The following RBM47 variants were observed in gnomAD, a reference collection of about 807,000 sequenced individuals.
RBM47 encodes the protein RNA binding motif protein 47.
A neutral mutation model predicts 47.1 loss-of-function variants in RBM47; 21 were observed. The observed-to-expected ratio is 0.45, with a 90% CI of 0.32 to 0.64. RBM47 has a LOEUF of 0.64. RBM47 is among the 30% of genes least tolerant of loss of function. The probability of loss-of-function intolerance (pLI) is 0.05; values close to 1 mark genes in which losing one functional copy is unlikely to be tolerated. For synonymous variants in RBM47, 375 were observed against 361.7 expected (o/e 1.04, Z -0.42); for missense variants, 708 against 870.9 (o/e 0.81, Z 2.35).
At chr4:40,563,870 A>G (rs1428516970) in intron 1 of RBM47, among the ~76,000 whole-genome samples, 1 of 152,220 alleles carries the variant, frequency 6.6e-6, no homozygotes, top group African/African-American at 2.4e-5. Flanking sequence ...TGAAAAATAT[A>G]TTTTATGATA....
intron 2 of RBM47, among the ~76,000 whole-genome samples, chr4:40,506,318 C>T (rs2154251779): frequency 6.6e-6 from 1 of 152,272 alleles, no homozygotes; most frequent in South Asian, 2.1e-4. Context: ...GTCTTGAATT[C>T]ACTATTAAGT....
At chr4:40,530,452 G>A (rs769442046) in intron 2 of RBM47, among the ~76,000 whole-genome samples, 1 of 151,944 alleles carries the variant, frequency 6.6e-6, no homozygotes, top group Admixed American at 6.6e-5. Context: ...ACAGGCACAC[G>A]CCATCGCACC....
chr4:40,450,156 G>C (rs1254838264), intron 3 of RBM47, among the ~76,000 whole-genome samples: 2 of 152,096 alleles, frequency 1.3e-5, no homozygotes, highest in Non-Finnish European at 2.9e-5. Flanking sequence ...CCTTACCTTG[G>C]CTCCTTTGAC....
chr4:40,606,897 C>G (rs563276657), intron 1 of RBM47, among the ~76,000 whole-genome samples: 1 of 152,036 alleles, frequency 6.6e-6, no homozygotes, highest in Non-Finnish European at 1.5e-5. Flanking sequence ...GTGGGAGGAT[C>G]ACTTGAGACC....
chr4:40,459,212 G>A (rs990838347), intron 3 of RBM47, among the ~76,000 whole-genome samples: 3 of 152,218 alleles, frequency 2.0e-5, no homozygotes, highest in Non-Finnish European at 4.4e-5. Context: ...CTCAAAGGCA[G>A]TGATGCTTAT....
intron 1 of RBM47, among the ~76,000 whole-genome samples, chr4:40,551,626 GGAGA>G (rs1729565801): frequency 6.6e-6 from 1 of 151,374 alleles, no homozygotes; most frequent in African/African-American, 2.4e-5. Context: ...AGGGAGGGAG[GGAGA>G]ATCAAATAGC....
At chr4:40,551,320 A>G (rs1291989614) in intron 1 of RBM47, among the ~76,000 whole-genome samples, 1 of 152,182 alleles carries the variant, frequency 6.6e-6, no homozygotes, top group African/African-American at 2.4e-5. Context: ...TTTAGTACAT[A>G]CTTTCACTTT....
At chr4:40,448,798 T>C (rs893361242) in intron 3 of RBM47, among the ~76,000 whole-genome samples, 1 of 152,186 alleles carries the variant, frequency 6.6e-6, no homozygotes, top group East Asian at 1.9e-4. Context: ...GAATGCCACT[T>C]AAAAGCCATA....
At chr4:40,468,345 T>G (rs1718357516) in intron 2 of RBM47, among the ~76,000 whole-genome samples, 1 of 152,174 alleles carries the variant, frequency 6.6e-6, no homozygotes, top group African/African-American at 2.4e-5. Flanking sequence ...GTTCTCAACA[T>G]TAAAAAAAAA....
chr4:40,567,456 T>C (rs551234791), intron 1 of RBM47, among the ~76,000 whole-genome samples: 2 of 152,154 alleles, frequency 1.3e-5, no homozygotes, highest in South Asian at 4.1e-4. Context: ...CTTTGAAAAG[T>C]TAAGTATCTA....
intron 3 of RBM47, among the ~76,000 whole-genome samples, chr4:40,461,275 T>C (rs1445258682): frequency 6.6e-6 from 1 of 152,210 alleles, no homozygotes; most frequent in Non-Finnish European, 1.5e-5. Context: ...AAAAAACTAA[T>C]ACATCAGTAA....
chr4:40,489,032 A>C (rs1397621464), intron 2 of RBM47, among the ~76,000 whole-genome samples: 3 of 152,172 alleles, frequency 2.0e-5, no homozygotes, highest in South Asian at 4.1e-4. Flanking sequence ...TTTGCCCCAG[A>C]ATCACAATGC....
chr4:40,481,964 G>A (rs1720494201), intron 2 of RBM47, among the ~76,000 whole-genome samples: 2 of 152,152 alleles, frequency 1.3e-5, no homozygotes, highest in South Asian at 4.1e-4. Context: ...GTGATTACAG[G>A]CATGTGCCAC....
intron 1 of RBM47, among the ~76,000 whole-genome samples, chr4:40,598,541 C>A (rs1192867816): frequency 6.6e-6 from 1 of 151,948 alleles, no homozygotes; most frequent in Non-Finnish European, 1.5e-5. Flanking sequence ...TGAGCCACTG[C>A]GCCCGGCCCC....
At position 40,425,026 on chromosome 4, in the gene RBM47, C is replaced by T. The variant is rs1233165016; in HGVS notation, c.*878G>A. On this transcript the variant is annotated 3_prime_UTR_variant, in exon 7 of 7. Transcript: ENST00000295971. ...ACGAAACAACAAACCCCAACAAAAA[C>T]CCAGGAAGAAGTATAAAAGCCACCA... 4 of 151,870 alleles carry T rather than the reference C, an allele frequency of 2.6e-5. No individual in the cohort carries two copies. Among genetic ancestry groups the T allele is most frequent in the Admixed American group, 2.6e-4 (4 of 15,264 alleles). 9.4% of individuals were successfully genotyped at this position (151,870 alleles called of 1,614,324 possible).
chr4:40,588,586 TATG>T (rs756856922), intron 1 of RBM47, among the ~76,000 whole-genome samples: 2 of 152,304 alleles, frequency 1.3e-5, no homozygotes, highest in Non-Finnish European at 2.9e-5. Flanking sequence ...GCCTAGAAGG[TATG>T]GTGGTAGCTA....
chr4:40,486,656 C>A (rs548095481), intron 2 of RBM47, among the ~76,000 whole-genome samples: 2 of 152,206 alleles, frequency 1.3e-5, no homozygotes, highest in East Asian at 3.9e-4. Flanking sequence ...GTTGTAAAAT[C>A]TTACCCCCAG....
chr4:40,432,546 C>CA, intron 6 of RBM47, 105 bp downstream of exon 6: 2 of 1,546,248 alleles, frequency 1.3e-6, no homozygotes, highest in Non-Finnish European at 1.7e-6. Flanking sequence ...ATAGCTGTAA[C>CA]AGAGAGCCAG....
chr4:40,423,677 TTTCTTTCTTTCTTTCTTTCTTTC>T lies in RBM47; in HGVS notation c.*2204_*2226del, dbSNP rs1714656903. 1 of 103,366 alleles carries T rather than the reference TTTCTTTCTTTCTTTCTTTCTTTC, an allele frequency of 9.7e-6. No homozygotes were observed. The highest frequency in any genetic ancestry group is 5.2e-5 in the African/African-American group (1 of 19,408). 6.4% of individuals were successfully genotyped at this position (103,366 alleles called of 1,614,324 possible). ...TTTTCTTTCTTTCTTTCTTTCTTTCTTTCTTTCTTTCTTTCTTTCTTTCTTTCTTTCTTTCTTTTCTTTCTTTT... is the reference window on the plus strand; with the variant it reads ...TTTTCTTTCTTTCTTTCTTTCTTTCTTTTCTTTCTTTCTTTTCTTTCTTTT... On this transcript the variant is annotated 3_prime_UTR_variant, in exon 7 of 7. Coordinates refer to ENST00000295971, the MANE Select transcript of RBM47 (RefSeq NM_001098634.2).
Sources: allele counts gnomAD v4.1 joint callset (sites outside exome capture counted in the v4.1 genomes callset), GRCh38; gene constraint gnomAD v4.1.1; transcripts MANE v1.5; gene names NCBI Gene and HGNC (gene_info 2026-07-23, HGNC 2026-07-21).